Variants in FPGS observed in about 807,000 individuals in gnomAD.
FPGS encodes folylpolyglutamate synthase, also known as folylpolyglutamate synthase, mitochondrial.
A neutral mutation model predicts 66.5 loss-of-function variants in FPGS; 53 were observed. The ratio of observed to expected loss-of-function variants is 0.80; its 90% CI spans 0.64 to 1.00. The LOEUF (loss-of-function observed/expected upper bound fraction) is 1.00, where lower values mean the gene tolerates loss of function less well. FPGS is among the 50% of genes least tolerant of loss of function. The pLI, the probability that FPGS is intolerant of heterozygous loss-of-function variation, is 0.00. For synonymous variants in FPGS, 348 were observed against 350.9 expected (o/e 0.99, Z 0.09); for missense variants, 702 against 807.7 (o/e 0.87, Z 1.59).
intron 9 of FPGS, 107 bp from the exon 10 acceptor site, chr9:127,808,451 A>G: frequency 6.5e-7 from 1 of 1,539,614 alleles, no homozygotes; most frequent in Non-Finnish European, 8.9e-7. Flanking sequence ...GCTGGAACAC[A>G]TCTCAGTTCT....
intron 13 of FPGS, 72 bp downstream of exon 13, chr9:127,810,178 G>A: frequency 2.4e-6 from 3 of 1,263,038 alleles, no homozygotes; most frequent in East Asian, 2.4e-5. Flanking sequence ...ACCCTGGGGG[G>A]TGCCAATCCC....
chr9:127,804,383 G>A lies in FPGS; in HGVS notation c.237G>A (p.Met79Ile). 6.2e-7 allele frequency: 1 copy of A among 1,614,198 alleles called. No individual in the cohort carries two copies. Among genetic ancestry groups the A allele is most frequent in the South Asian group, 1.1e-5 (1 of 91,090 alleles). ...ACCCTCAGACACAGTTGGAAGCCAT[G>A]GAACTGTACCTGGCACGGAGTGGGC... ...RGDPQTQLEAMELYLARSGLQ... is the reference protein window; with the variant it reads ...RGDPQTQLEAIELYLARSGLQ... The change falls in exon 2 of 15, where the codon ATG (methionine) becomes ATA (isoleucine). Residue 79 changes from methionine to isoleucine, a missense_variant. Coordinates refer to ENST00000373247, the MANE Select transcript of FPGS (RefSeq NM_004957.6).
chr9:127,807,700 GA>G lies in FPGS; in HGVS notation c.744+13del. The stretch of plus-strand genomic sequence containing the variant: ...GGGGCATCTTTAAGGTGACCAGGCA[GA>G]CTGGGGGAAGGGAGAGACATGGAAG... On this transcript the variant is annotated intron_variant, in intron 8 of 14. Transcript: ENST00000373247. This position sits in a 1 kb window ranked among gnomAD's most constrained non-coding sequence, Gnocchi z 5.8. 1 of 1,544,218 alleles carries G rather than the reference GA, an allele frequency of 6.5e-7. No individual in the cohort carries two copies. Among genetic ancestry groups the G allele is most frequent in the Non-Finnish European group, 8.8e-7 (1 of 1,139,246 alleles).
intron 4 of FPGS, among the ~76,000 whole-genome samples, chr9:127,806,027 CT>C (rs1357299912): frequency 6.6e-6 from 1 of 152,238 alleles, no homozygotes; most frequent in Non-Finnish European, 1.5e-5. Flanking sequence ...GACTTACTAC[CT>C]GAGTAGCTTT....
chr9:127,813,470 C>T lies in FPGS; in HGVS notation c.1630C>T (p.Leu544Phe). Residue 544 changes from leucine to phenylalanine, a missense_variant, in exon 15 of 15, where the codon CTC becomes TTC. By Grantham distance (22) the Leu-to-Phe change is conservative (BLOSUM62 0). Around this residue, in one of 3 missense-constraint regions of FPGS, gnomAD observed 351 missense variants for 363.7 expected, o/e 0.97. Coordinates refer to ENST00000373247, the MANE Select transcript of FPGS (RefSeq NM_004957.6). The stretch of plus-strand genomic sequence containing the variant: ...CCAGCCACCTAGTCCCCCAAAGGGC[C>T]TCCTCACCCACCCTGTGGCTCACAG... The part of the protein sequence containing the change: ...IFQPPSPPKG[L>F]LTHPVAHSGA... The T allele has an allele frequency of 1.9e-6, 3 of 1,613,112 alleles. No individual in the cohort carries two copies. Among genetic ancestry groups the T allele is most frequent in the Non-Finnish European group, 2.5e-6 (3 of 1,179,668 alleles).
Position 127,813,388 on chromosome 9 carries a change from C to T in FPGS, c.1548C>T (p.Val516=), listed in dbSNP as rs776027528. The change falls in exon 15 of 15, where the codon GTC becomes GTT. Residue 516 remains valine, a synonymous_variant. Transcript: ENST00000373247. The stretch of plus-strand genomic sequence containing the variant: ...ACACCTGCAGTGCCAGCTCCCTCGT[C>T]TTCAGCTGCATTTCACATGCCTTGC... ...PPHTCSASSL[V]FSCISHALQW... is the part of the protein sequence containing the mutation. The T allele has an allele frequency of 8.1e-6, 13 of 1,610,472 alleles. 1 individual carries two copies. The highest frequency in any genetic ancestry group is 2.2e-5 in the South Asian group (2 of 90,776).
intron 4 of FPGS, among the ~76,000 whole-genome samples, chr9:127,806,101 G>A (rs923797309): frequency 6.6e-6 from 1 of 152,218 alleles, no homozygotes; most frequent in African/African-American, 2.4e-5. Context: ...AGGCGTGGTG[G>A]CTCATGCCTG....
intron 14 of FPGS, among the ~76,000 whole-genome samples, chr9:127,812,325 T>C (rs1369917533): frequency 1.3e-5 from 2 of 149,472 alleles, no homozygotes; most frequent in African/African-American, 5.0e-5. Flanking sequence ...AATCTGCATT[T>C]TTTTTTTTTT....
rs751362851 is a variant in FPGS at position 127,808,209 on chromosome 9, T to TTC, written c.745-18_745-17dup. ...AGTGTGGAGGATGCTAGGTAGCCCT[T>TTC]TCTCTCTCCTTCTTCCCTCCACAGC... On this transcript the variant is annotated intron_variant, in intron 8 of 14. Transcript: ENST00000373247. 8 of 1,595,764 alleles carry TTC rather than the reference T, an allele frequency of 5.0e-6. No individual in the cohort carries two copies. In the East Asian group the frequency reaches 1.6e-4, roughly 31 times the overall value.
chr9:127,811,884 C>T (rs569022099), intron 14 of FPGS, among the ~76,000 whole-genome samples: 4 of 152,164 alleles, frequency 2.6e-5, no homozygotes, highest in Admixed American at 2.6e-4. Context: ...TTAGTCTGTT[C>T]CAGGCATATG....
chr9:127,809,639 G>C (rs201379537), intron 11 of FPGS, 45 bp from the exon 12 acceptor site: 25 of 1,543,642 alleles, frequency 1.6e-5, no homozygotes, highest in Non-Finnish European at 2.0e-5. Flanking sequence ...ATTGAGGACG[G>C]GGGTGGGAGA....
chr9:127,809,138 G>A (rs1180531792), intron 11 of FPGS, among the ~76,000 whole-genome samples: 1 of 152,030 alleles, frequency 6.6e-6, no homozygotes, highest in Non-Finnish European at 1.5e-5. Context: ...GTGGGGATTC[G>A]CTGAGGTGAC....
chr9:127,810,120 T>C lies in FPGS; in HGVS notation c.1287+14T>C, dbSNP rs771481388. On this transcript the variant is annotated intron_variant, in intron 13 of 14. Transcript: ENST00000373247. ...AAGCTGCTGCAGGTGAGGGGCCAAC[T>C]TGGGGGTGGGCGGCAGGCAGTCCTG... 7.4e-6 allele frequency: 12 copies of C among 1,611,808 alleles called. No individual in the cohort carries two copies. The highest frequency in any genetic ancestry group is 4.0e-5 in the African/African-American group (3 of 74,852).
chr9:127,814,076 G>A lies in FPGS; in HGVS notation c.*472G>A, dbSNP rs965077527. On this transcript the variant is annotated 3_prime_UTR_variant, in exon 15 of 15. Transcript: ENST00000373247. ...TTTTTAAAGAAATGGCAAAGCCTTC[G>A]ACTGACCCTTGACCCCCTGCTCCCT... 1.1e-4 allele frequency: 113 copies of A among 988,530 alleles called. No homozygotes were observed. The Middle Eastern group carries it at 2.1e-3, about 18-fold the overall frequency. 61.2% of individuals were successfully genotyped at this position (988,530 alleles called of 1,614,324 possible). A position where few individuals can be genotyped will look rare whatever the true frequency, so the allele number is the denominator to read the frequency against.
chr9:127,807,307 A>G lies in FPGS; in HGVS notation c.579+21A>G, dbSNP rs747625793. ...AGAAGGTGTGTGCCCTCTCCCTAGA[A>G]CCCTGCATCTGAGGCCTTGGGAACG... On this transcript the variant is annotated intron_variant, in intron 6 of 14. Transcript: ENST00000373247. The surrounding 1 kb of genome is among the most constrained non-coding windows in gnomAD (Gnocchi z 5.8). 6 of 1,613,782 alleles carry G rather than the reference A, an allele frequency of 3.7e-6. No individual in the cohort carries two copies. Among genetic ancestry groups the G allele is most frequent in the Non-Finnish European group, 5.1e-6 (6 of 1,179,836 alleles).
chr9:127,813,402 C>G lies in FPGS; in HGVS notation c.1562C>G (p.Ser521Ter). 1 of 1,609,676 alleles carries G rather than the reference C, an allele frequency of 6.2e-7. No individual in the cohort carries two copies. Among genetic ancestry groups the G allele is most frequent in the Non-Finnish European group, 8.5e-7 (1 of 1,177,336 alleles). ...SASSLVFSCI[S>*]HALQWISQGR... ...AGCTCCCTCGTCTTCAGCTGCATTT[C>G]ACATGCCTTGCAATGGATCAGCCAA... Residue 521 changes from serine to a stop codon, truncating the protein, a stop_gained, in exon 15 of 15, where the codon TCA (serine) becomes TGA (stop). Coordinates refer to ENST00000373247, the MANE Select transcript of FPGS (RefSeq NM_004957.6). LOFTEE classifies it high-confidence loss of function.
At position 127,809,749 on chromosome 9, in the gene FPGS, C is replaced by T; in HGVS notation, c.1126C>T (p.Leu376=). 6.3e-7 allele frequency: 1 copy of T among 1,583,042 alleles called. No individual in the cohort carries two copies. Among genetic ancestry groups the T allele is most frequent in the Non-Finnish European group, 8.5e-7 (1 of 1,173,770 alleles). Residue 376 remains leucine, a synonymous_variant, in exon 12 of 15, where the codon CTG becomes TTG. Coordinates refer to ENST00000373247, the MANE Select transcript of FPGS (RefSeq NM_004957.6). ...VLRRGPLTWY[L]DGAHTASSAQ... ...GCGGCGCGGGCCCCTCACCTGGTAC[C>T]TGGACGGTGCGCACACCGCCAGCAG...
chr9:127,811,124 G>C lies in FPGS; in HGVS notation c.1354+113G>C. On this transcript the variant is annotated intron_variant, in intron 14 of 14. Coordinates refer to ENST00000373247, the MANE Select transcript of FPGS (RefSeq NM_004957.6). Reference sequence around the variant, plus strand: ...GAAATAAATTTGTTTTACTGTGTAAGAACACTTTAGTGTACTTATACTCTT... The same window carrying C: ...GAAATAAATTTGTTTTACTGTGTAACAACACTTTAGTGTACTTATACTCTT... The C allele has an allele frequency of 1.1e-5, 6 of 565,302 alleles. No individual in the cohort carries two copies. In the South Asian group the frequency reaches 1.2e-4, roughly 12 times the overall value. The allele number at this position is 565,302 out of a possible 1,614,324, so 35.0% of individuals were successfully genotyped here.
At position 127,808,621 on chromosome 9, in the gene FPGS, G is replaced by C; in HGVS notation, c.886G>C (p.Gly296Arg). 1.2e-6 allele frequency: 2 copies of C among 1,611,948 alleles called. No homozygotes were observed. The highest frequency in any genetic ancestry group is 1.7e-6 in the Non-Finnish European group (2 of 1,179,608). Residue 296 changes from glycine to arginine, a missense_variant, in exon 10 of 15, where the codon GGC (glycine) becomes CGC (arginine). Gly to Arg is a moderately radical substitution (Grantham distance 125). Around this residue, in one of 3 missense-constraint regions of FPGS, gnomAD observed 240 missense variants for 348.6 expected, o/e 0.69. Transcript: ENST00000373247. ...LEEGGPPLTLGLEGEHQRSNA... is the reference protein window; with the variant it reads ...LEEGGPPLTLRLEGEHQRSNA... Reference sequence around the variant, plus strand: ...GGAAGGGGGGCCGCCGCTGACCCTGGGCCTGGAGGGGGAGCACCAGCGGTC... The same window carrying C: ...GGAAGGGGGGCCGCCGCTGACCCTGCGCCTGGAGGGGGAGCACCAGCGGTC...
Sources: allele counts gnomAD v4.1 joint callset (sites outside exome capture counted in the v4.1 genomes callset), GRCh38; gene constraint gnomAD v4.1.1; regional missense constraint gnomAD v4.1.1; non-coding constraint Gnocchi (gnomAD v3.1); transcripts MANE v1.5; gene names NCBI Gene and HGNC (gene_info 2026-07-23, HGNC 2026-07-21).